The following PDGFRL variants were observed in gnomAD, a reference collection of about 807,000 sequenced individuals.
PDGFRL encodes the protein platelet-derived growth factor receptor-like protein.
In PDGFRL, 46 loss-of-function variants were observed where a neutral mutation model predicts 37.2. The observed-to-expected ratio is 1.24, with a 90% CI of 0.98 to 1.58. The LOEUF is 1.58. Among genes scored for constraint, PDGFRL ranks in the 40% most tolerant of loss-of-function variants. The probability of loss-of-function intolerance (pLI) is 0.00; values close to 1 mark genes in which losing one functional copy is unlikely to be tolerated. For missense variants in PDGFRL, 692 were observed against 467.6 expected (o/e 1.48, Z -4.43); for synonymous variants, 251 against 184.3 (o/e 1.36, Z -2.93).
intron 5 of PDGFRL, 75 bp downstream of exon 5, chr8:17,634,288 T>G: frequency 8.1e-7 from 1 of 1,227,250 alleles, no homozygotes; most frequent in Non-Finnish European, 1.2e-6. Context: ...ATTCACAGCT[T>G]CGTCCCCACC....
At chr8:17,606,624 A>T (rs985389334) in intron 2 of PDGFRL, among the ~76,000 whole-genome samples, 1 of 152,162 alleles carries the variant, frequency 6.6e-6, no homozygotes, top group African/African-American at 2.4e-5. Context: ...GCTGCAGGAT[A>T]CAAGACTTCC....
chr8:17,634,972 GGTTTT>G (rs1320623651), intron 5 of PDGFRL, among the ~76,000 whole-genome samples: 3 of 146,196 alleles, frequency 2.1e-5, no homozygotes, highest in South Asian at 2.1e-4. Flanking sequence ...TAAAATAAAA[GGTTTT>G]TTTTTAAAAA....
intron 1 of PDGFRL, among the ~76,000 whole-genome samples, chr8:17,584,638 T>C (rs1415008754): frequency 6.6e-6 from 1 of 151,896 alleles, no homozygotes; most frequent in Non-Finnish European, 1.5e-5. Context: ...TCATCAACTG[T>C]ATTCTAACAG....
intron 2 of PDGFRL, among the ~76,000 whole-genome samples, chr8:17,608,425 G>A (rs925225563): frequency 1.3e-5 from 2 of 152,130 alleles, no homozygotes; most frequent in East Asian, 3.9e-4. Context: ...AATGTTGAAC[G>A]TGCCCTCATG....
At chr8:17,600,865 C>G (rs557857483) in intron 2 of PDGFRL, among the ~76,000 whole-genome samples, 1 of 151,842 alleles carries the variant, frequency 6.6e-6, no homozygotes, top group South Asian at 2.1e-4. Context: ...CCCTGTAGTC[C>G]CAGCTACTTG....
At chr8:17,622,511 C>G (rs1264158627) in intron 3 of PDGFRL, among the ~76,000 whole-genome samples, 1 of 152,166 alleles carries the variant, frequency 6.6e-6, no homozygotes, top group Non-Finnish European at 1.5e-5. Flanking sequence ...TTTGTCCTTT[C>G]CTGCCCAAAT....
chr8:17,632,814 C>T (rs1476522069), intron 4 of PDGFRL, among the ~76,000 whole-genome samples: 2 of 152,164 alleles, frequency 1.3e-5, no homozygotes, highest in Non-Finnish European at 2.9e-5. Context: ...TGCCTCTCAC[C>T]CAGGGCCATG....
intron 2 of PDGFRL, among the ~76,000 whole-genome samples, chr8:17,605,944 G>A (rs1804267195): frequency 6.6e-6 from 1 of 152,186 alleles, no homozygotes; most frequent in Non-Finnish European, 1.5e-5. Context: ...GTTGGCAACA[G>A]CTTACTCCAC....
chr8:17,639,040 C>G (rs1805038872), intron 5 of PDGFRL, among the ~76,000 whole-genome samples: 1 of 151,406 alleles, frequency 6.6e-6, no homozygotes, highest in African/African-American at 2.4e-5. Flanking sequence ...CAGAGTGAGA[C>G]TCTGTCTCAA....
chr8:17,599,644 C>T (rs796974696), intron 2 of PDGFRL, among the ~76,000 whole-genome samples: 11 of 152,194 alleles, frequency 7.2e-5, no homozygotes, highest in Non-Finnish European at 1.6e-4. Flanking sequence ...ATGTGGCCAC[C>T]TCACGTTTGC....
chr8:17,600,635 TA>T (rs113265127), intron 2 of PDGFRL, among the ~76,000 whole-genome samples: 13 of 148,760 alleles, frequency 8.7e-5, no homozygotes, highest in South Asian at 6.4e-4. Context: ...CCCCCATCTC[TA>T]AAAAAAAAAT....
intron 2 of PDGFRL, among the ~76,000 whole-genome samples, chr8:17,594,098 T>C (rs1035527408): frequency 1.3e-5 from 2 of 151,530 alleles, no homozygotes; most frequent in Admixed American, 1.3e-4. Context: ...AGGTACCCCA[T>C]ATAAATGGAA....
chr8:17,588,503 C>A (rs1246433914), intron 1 of PDGFRL, among the ~76,000 whole-genome samples: 1 of 100,500 alleles, frequency 1.0e-5, no homozygotes, highest in Non-Finnish European at 2.5e-5. Context: ...ATAGCAAGGC[C>A]CCATCTTTAA....
chr8:17,605,147 CAGGG>C (rs1309847744), intron 2 of PDGFRL, among the ~76,000 whole-genome samples: 1 of 151,714 alleles, frequency 6.6e-6, no homozygotes, highest in Non-Finnish European at 1.5e-5. Context: ...GAGAGAGAGA[CAGGG>C]AGAGGGAAGG....
At chr8:17,595,640 C>G (rs111973176) in intron 2 of PDGFRL, among the ~76,000 whole-genome samples, 3 of 152,192 alleles carry the variant, frequency 2.0e-5, no homozygotes, top group African/African-American at 7.2e-5. Flanking sequence ...CCCTGTCCAA[C>G]AGGAGAGGAG....
At position 17,642,634 on chromosome 8, in the gene PDGFRL, C is replaced by G; in HGVS notation, c.961C>G (p.Gln321Glu). The change falls in exon 6 of 6, where the codon CAA becomes GAA. Residue 321 changes from glutamine (Q) to glutamate (E), a missense_variant. Gln to Glu is a conservative substitution (Grantham distance 29). Coordinates refer to ENST00000251630, the MANE Select transcript of PDGFRL (RefSeq NM_001372073.1). ...GQKDERPVTI[Q>E]DTWRLIHRGL... ...ACAGGATGAAAGGCCTGTGACGATC[C>G]AAGACACTTGGAGGTTGATCCACAG... The G allele has an allele frequency of 6.2e-7, 1 of 1,610,108 alleles. No individual in the cohort carries two copies. Among genetic ancestry groups the G allele is most frequent in the African/African-American group, 1.3e-5 (1 of 74,936 alleles).
intron 2 of PDGFRL, among the ~76,000 whole-genome samples, chr8:17,607,985 C>T (rs1187622004): frequency 1.3e-5 from 2 of 152,216 alleles, no homozygotes; most frequent in East Asian, 1.9e-4. Flanking sequence ...CCCACACAGC[C>T]GGCTGCAGGT....
chr8:17,597,199 T>G (rs959693774), intron 2 of PDGFRL, among the ~76,000 whole-genome samples: 9 of 152,204 alleles, frequency 5.9e-5, no homozygotes, highest in African/African-American at 2.2e-4. Flanking sequence ...TTTTGTATTT[T>G]AAGTAGAGAC....
intron 4 of PDGFRL, among the ~76,000 whole-genome samples, chr8:17,630,193 A>G (rs1326181724): frequency 6.6e-6 from 1 of 152,152 alleles, no homozygotes; most frequent in African/African-American, 2.4e-5. Flanking sequence ...ATGTGCACAG[A>G]ACACTTGGAG....
Sources: allele counts gnomAD v4.1 joint callset (sites outside exome capture counted in the v4.1 genomes callset), GRCh38; gene constraint gnomAD v4.1.1; transcripts MANE v1.5; gene names NCBI Gene and HGNC (gene_info 2026-07-23, HGNC 2026-07-21).